Variants in ANO10 observed in about 807,000 individuals in gnomAD.
The protein encoded by ANO10 is anoctamin 10, also known as anoctamin-10.
A neutral mutation model predicts 74.7 loss-of-function variants in ANO10; 77 were observed. The ratio of observed to expected loss-of-function variants is 1.03; its 90% CI spans 0.86 to 1.25. ANO10 has a LOEUF of 1.25. Among genes scored for constraint, ANO10 ranks in the 50% most tolerant of loss-of-function variants. The pLI is 0.00. For missense variants in ANO10, 721 were observed against 778.1 expected (o/e 0.93, Z 0.87); for synonymous variants, 279 against 284.9 (o/e 0.98, Z 0.21).
intron 1 of ANO10, among the ~76,000 whole-genome samples, chr3:43,676,250 G>T (rs1047479110): frequency 6.6e-6 from 1 of 151,886 alleles, no homozygotes; most frequent in African/African-American, 2.4e-5. Context: ...CTTGAGCCTG[G>T]GAGTTTGACA....
In ANO10 at chr3:43,691,005, G is replaced by A. The variant is rs2149587411; in HGVS notation, c.-12+512C>T. The A allele has an allele frequency of 1.3e-6, 2 of 1,570,922 alleles. No homozygotes were observed. Among genetic ancestry groups the A allele is most frequent in the Non-Finnish European group, 1.7e-6 (2 of 1,161,550 alleles). On this transcript the variant is annotated intron_variant, in intron 1 of 3. Transcript: ENST00000413397. Reference sequence around the variant, plus strand: ...CGCGGCGGCGGCTATGGCGGCGGAGGAGGAGGAGGTGGACTCTGCCGACAC... The same window carrying A: ...CGCGGCGGCGGCTATGGCGGCGGAGAAGGAGGAGGTGGACTCTGCCGACAC...
At chr3:43,572,251 A>G (rs77751830) in intron 7 of ANO10, among the ~76,000 whole-genome samples, 2,009 of 152,286 alleles carry the variant, frequency 0.013, 21 homozygotes, top group Non-Finnish European at 0.022. Context: ...CCCACCAACA[A>G]TAAGTTTCCT....
chr3:43,646,551 A>G (rs1158314062), intron 1 of ANO10, among the ~76,000 whole-genome samples: 1 of 152,160 alleles, frequency 6.6e-6, no homozygotes, highest in African/African-American at 2.4e-5. Flanking sequence ...TTTGTTTTTG[A>G]GACGGAGTCT....
At chr3:43,526,877 A>G (rs1297567582) in intron 11 of ANO10, among the ~76,000 whole-genome samples, 1 of 152,144 alleles carries the variant, frequency 6.6e-6, no homozygotes, top group Non-Finnish European at 1.5e-5. Flanking sequence ...TAGGGTCTAA[A>G]ATAATCTCTA....
At chr3:43,459,773 C>T (rs139447727) in intron 11 of ANO10, among the ~76,000 whole-genome samples, 184 of 152,234 alleles carry the variant, frequency 1.2e-3, no homozygotes, top group Admixed American at 2.7e-3. Flanking sequence ...GAAGGAGGGA[C>T]TGAGCTCCAG....
chr3:43,432,480 A>G, intron 12 of ANO10, 131 bp downstream of exon 12: 2 of 772,324 alleles, frequency 2.6e-6, no homozygotes, highest in Non-Finnish European at 4.5e-6. Context: ...GTCATCCTGA[A>G]CTGGAGTCCT....
chr3:43,487,495 C>T (rs1490675552), intron 11 of ANO10, among the ~76,000 whole-genome samples: 1 of 151,924 alleles, frequency 6.6e-6, no homozygotes, highest in East Asian at 1.9e-4. Context: ...TGTTATTGGT[C>T]TATTCAGAGA....
chr3:43,510,645 A>G (rs2077475931), intron 11 of ANO10, among the ~76,000 whole-genome samples: 1 of 152,144 alleles, frequency 6.6e-6, no homozygotes, highest in Non-Finnish European at 1.5e-5. Context: ...TGAATCTCCA[A>G]TTATCTCAAT....
chr3:43,420,798 A>T (rs897882262), intron 12 of ANO10, among the ~76,000 whole-genome samples: 1 of 152,274 alleles, frequency 6.6e-6, no homozygotes, highest in Non-Finnish European at 1.5e-5. Flanking sequence ...TCACTTAATT[A>T]ATGACTATTT....
At chr3:43,374,863 G>A (rs886831987) in intron 12 of ANO10, among the ~76,000 whole-genome samples, 3 of 152,204 alleles carry the variant, frequency 2.0e-5, no homozygotes, top group African/African-American at 7.2e-5. Flanking sequence ...GCTCACACCT[G>A]TAATCCCAGC....
chr3:43,424,839 G>C (rs561487900), intron 12 of ANO10: 1 of 152,138 alleles, frequency 6.6e-6, no homozygotes, highest in African/African-American at 2.4e-5. Context: ...TCTGGGCAGC[G>C]GGCGAAATGA....
intron 12 of ANO10, among the ~76,000 whole-genome samples, chr3:43,395,190 T>A (rs1465624541): frequency 6.6e-6 from 1 of 152,170 alleles, no homozygotes; most frequent in Non-Finnish European, 1.5e-5. Flanking sequence ...CAGAGGACCC[T>A]AGGAAAGTTT....
intron 11 of ANO10, among the ~76,000 whole-genome samples, chr3:43,522,458 C>T (rs2078000764): frequency 6.6e-6 from 1 of 152,270 alleles, no homozygotes; most frequent in Non-Finnish European, 1.5e-5. Context: ...ATATATAGCA[C>T]AAGATCCTCC....
chr3:43,544,796 T>TAAAAA (rs556665373), intron 11 of ANO10, among the ~76,000 whole-genome samples: 121 of 110,838 alleles, frequency 1.1e-3, no homozygotes, highest in Middle Eastern at 4.8e-3. Flanking sequence ...CTGTCTGAAA[T>TAAAAA]AAAAAAAAAA....
intron 11 of ANO10, among the ~76,000 whole-genome samples, chr3:43,440,996 A>G (rs1247708078): frequency 6.6e-6 from 1 of 152,156 alleles, no homozygotes; most frequent in African/African-American, 2.4e-5. Context: ...CTTGAAGCAA[A>G]TGAAAACAAA....
At chr3:43,673,536 CA>C (rs2084085582) in intron 1 of ANO10, among the ~76,000 whole-genome samples, 1 of 152,100 alleles carries the variant, frequency 6.6e-6, no homozygotes, top group Non-Finnish European at 1.5e-5. Flanking sequence ...TGACATTTTT[CA>C]ACTTCAACAT....
intron 4 of ANO10, among the ~76,000 whole-genome samples, chr3:43,589,113 T>C (rs1235516799): frequency 1.3e-5 from 2 of 151,790 alleles, no homozygotes; most frequent in Non-Finnish European, 2.9e-5. Flanking sequence ...AGCAGGAAAA[T>C]AGATAATATA....
At chr3:43,620,245 A>G (rs568888228) in intron 1 of ANO10, among the ~76,000 whole-genome samples, 8 of 152,242 alleles carry the variant, frequency 5.3e-5, no homozygotes, top group Non-Finnish European at 1.2e-4. Flanking sequence ...GTTTAAGAAG[A>G]ATTTGATCCA....
chr3:43,442,287 TACACAC>T, intron 11 of ANO10, among the ~76,000 whole-genome samples: 1 of 151,256 alleles, frequency 6.6e-6, no homozygotes, highest in East Asian at 1.9e-4. Flanking sequence ...TCTACACACA[TACACAC>T]ACACACACCC....
Sources: gnomAD v4.1 joint callset for allele counts (sites outside exome capture counted in the v4.1 genomes callset) on GRCh38, gnomAD v4.1.1 for gene constraint, MANE v1.5 for transcripts, NCBI Gene and HGNC (gene_info 2026-07-23, HGNC 2026-07-21) for gene names.